The following ARHGAP21 variants were observed in gnomAD, a reference collection of about 807,000 sequenced individuals.
The protein encoded by ARHGAP21 is Rho GTPase activating protein 21, also known as rho GTPase-activating protein 21.
Under a neutral mutation model 164.6 loss-of-function variants are expected in ARHGAP21, and 38 were observed. The observed-to-expected ratio is 0.23, with a 90% CI of 0.18 to 0.30. The LOEUF (loss-of-function observed/expected upper bound fraction) is 0.30. ARHGAP21 is among the 10% of genes least tolerant of loss of function. ARHGAP21 has a pLI of 1.00. For synonymous variants in ARHGAP21, 766 were observed against 857.9 expected (o/e 0.89, Z 1.87); for missense variants, 1,822 against 2,370.7 (o/e 0.77, Z 4.81).
chr10:24,586,147 G>T lies in ARHGAP21; in HGVS notation c.4183-41C>A, dbSNP rs1451739406. On this transcript the variant is annotated intron_variant, in intron 25 of 25. Transcript: ENST00000396432. The stretch of plus-strand genomic sequence containing the variant: ...GAAGAAAGACTCTGAGCATAAGAAT[G>T]CAGCTGAGTTCATTTTCTGACAAGC... The T allele has an allele frequency of 3.3e-6, 5 of 1,515,618 alleles. No homozygotes were observed. In the Middle Eastern group the frequency reaches 7.1e-4, roughly 215 times the overall value. 93.9% of individuals were successfully genotyped at this position (1,515,618 alleles called of 1,614,324 possible). A position where few individuals can be genotyped will look rare whatever the true frequency, so the allele number is the denominator to read the frequency against.
At chr10:24,616,893 A>G (rs1833998702) in intron 9 of ARHGAP21, among the ~76,000 whole-genome samples, 1 of 152,220 alleles carries the variant, frequency 6.6e-6, no homozygotes, top group African/African-American at 2.4e-5. Flanking sequence ...ACAGTAAACA[A>G]AATACTGTTA....
At chr10:24,670,768 T>G (rs1184107557) in intron 2 of ARHGAP21, among the ~76,000 whole-genome samples, 1 of 152,192 alleles carries the variant, frequency 6.6e-6, no homozygotes, top group East Asian at 1.9e-4. Context: ...AGAACAGATA[T>G]AAAACTCTGA....
chr10:24,590,928 G>C, intron 24 of ARHGAP21: 9 of 907,370 alleles, frequency 9.9e-6, no homozygotes, highest in Non-Finnish European at 1.2e-5. Flanking sequence ...CTATTACATG[G>C]AAACTGTGAA....
rs142374987 is a variant in ARHGAP21, at chr10:24,633,290, C to T, written c.440+112G>A. 1,530 of 759,004 alleles carry T rather than the reference C, an allele frequency of 2.0e-3. 18 individuals carry two copies. In the African/African-American group the frequency reaches 0.024, roughly 12 times the overall value. 47.0% of individuals were successfully genotyped at this position (759,004 alleles called of 1,614,324 possible). On this transcript the variant is annotated intron_variant, in intron 6 of 25. Transcript: ENST00000396432. ...ATGCATTATATCTAAGGGAAAGTTC[C>T]ACATCTCCTTGTCACCACAATTCCT...
rs369151883 is a variant in ARHGAP21, at chr10:24,700,071, T to C, written c.63+21766A>G. On this transcript the variant is annotated intron_variant, in intron 2 of 25. Transcript: ENST00000396432. ...TGGTTCTCCAATACTGCTGGTGAAATACAGAAGCGGTCTGGCTGGATTTCT... is the reference window on the plus strand; with the variant it reads ...TGGTTCTCCAATACTGCTGGTGAAACACAGAAGCGGTCTGGCTGGATTTCT... Among the ~76,000 whole-genome samples the C allele has an allele frequency of 5.3e-5, 8 of 152,270 alleles. No individual in the cohort carries two copies. In the South Asian group the frequency reaches 1.2e-3, roughly 24 times the overall value.
chr10:24,627,366 C>T (rs1044135086), intron 7 of ARHGAP21, among the ~76,000 whole-genome samples: 4 of 152,066 alleles, frequency 2.6e-5, no homozygotes, highest in African/African-American at 9.7e-5. Flanking sequence ...TTCTGAAGTA[C>T]ATTAAAGAAC....
intron 4 of ARHGAP21, among the ~76,000 whole-genome samples, chr10:24,658,819 A>T (rs952167792): frequency 1.3e-5 from 2 of 151,794 alleles, no homozygotes; most frequent in Non-Finnish European, 2.9e-5. Context: ...CTAAAGTATT[A>T]AAAAAAAATA....
At chr10:24,678,107 A>C (rs896725829) in intron 2 of ARHGAP21, among the ~76,000 whole-genome samples, 16 of 149,276 alleles carry the variant, frequency 1.1e-4, no homozygotes, top group Non-Finnish European at 2.1e-4. Flanking sequence ...CACAAAAAGG[A>C]AAAAAAAAAG....
At chr10:24,600,068 G>C in intron 14 of ARHGAP21, among the ~76,000 whole-genome samples, 1 of 148,622 alleles carries the variant, frequency 6.7e-6, no homozygotes, top group Non-Finnish European at 1.5e-5. Context: ...GGGAGGCAGG[G>C]CTTGCAGTGA....
At position 24,600,880 on chromosome 10, in the gene ARHGAP21, C is replaced by T; in HGVS notation, c.2898G>A (p.Arg966=). 6.2e-7 allele frequency: 1 copy of T among 1,614,160 alleles called. No homozygotes were observed. Among genetic ancestry groups the T allele is most frequent in the Non-Finnish European group, 8.5e-7 (1 of 1,179,998 alleles). The part of the protein sequence containing the change: ...RPWKQMYVVL[R]GHSLYLYKDK... ...CTTTGTACAGGTAAAGTGAATGACC[C>T]CGAAGGACAACATACATCTGTTTCC... is the stretch of plus-strand genomic sequence containing the variant. Residue 966 remains arginine, a synonymous_variant, in exon 14 of 26, where the codon CGG becomes CGA. Transcript: ENST00000396432.
chr10:24,711,458 A>C (rs1292895151), intron 2 of ARHGAP21, among the ~76,000 whole-genome samples: 2 of 152,202 alleles, frequency 1.3e-5, no homozygotes, highest in African/African-American at 4.8e-5. Context: ...TTCAGTCCCC[A>C]CGTCAGAACA....
chr10:24,616,524 C>G (rs1358539527), intron 9 of ARHGAP21, among the ~76,000 whole-genome samples: 2 of 152,196 alleles, frequency 1.3e-5, no homozygotes, highest in Admixed American at 6.5e-5. Context: ...GCCAATAAGG[C>G]TGTGACCATC....
intron 5 of ARHGAP21, 22 bp from the exon 6 acceptor site, chr10:24,633,502 C>T (rs1214450596): frequency 1.3e-6 from 2 of 1,544,958 alleles, no homozygotes; most frequent in East Asian, 2.3e-5. Context: ...AGTTAAAAAA[C>T]AAATGAGAGA....
intron 2 of ARHGAP21, among the ~76,000 whole-genome samples, chr10:24,695,694 A>C (rs146497896): frequency 3.9e-5 from 6 of 152,292 alleles, no homozygotes; most frequent in Non-Finnish European, 8.8e-5. Context: ...TCTTCTTATG[A>C]AGCCAGCTGC....
intron 4 of ARHGAP21, among the ~76,000 whole-genome samples, chr10:24,654,575 C>A (rs912573266): frequency 1.3e-5 from 2 of 152,220 alleles, no homozygotes; most frequent in Non-Finnish European, 2.9e-5. Context: ...ATGTGAAGGA[C>A]CTCTTCAAGG....
chr10:24,653,060 ACAT>A (rs2131569882), intron 4 of ARHGAP21, among the ~76,000 whole-genome samples: 1 of 152,360 alleles, frequency 6.6e-6, no homozygotes, highest in African/African-American at 2.4e-5. Flanking sequence ...CTTTTTACAA[ACAT>A]CAGCTTTATT....
At chr10:24,636,508 T>C (rs1836399611) in intron 4 of ARHGAP21, among the ~76,000 whole-genome samples, 1 of 152,220 alleles carries the variant, frequency 6.6e-6, no homozygotes, top group Non-Finnish European at 1.5e-5. Context: ...ATACATGTGT[T>C]GAGTAACATG....
intron 9 of ARHGAP21, among the ~76,000 whole-genome samples, chr10:24,608,589 T>G (rs2077129979): frequency 6.6e-6 from 1 of 152,168 alleles, no homozygotes; most frequent in Non-Finnish European, 1.5e-5. Context: ...TAAACCAGGA[T>G]TTTGATGCCT....
chr10:24,701,800 T>C (rs1005256175), intron 2 of ARHGAP21, among the ~76,000 whole-genome samples: 9 of 152,188 alleles, frequency 5.9e-5, no homozygotes, highest in Non-Finnish European at 1.3e-4. Context: ...TTTAAAATGA[T>C]CATACTCGAT....
Sources: allele counts gnomAD v4.1 joint callset (sites outside exome capture counted in the v4.1 genomes callset), GRCh38; gene constraint gnomAD v4.1.1; transcripts MANE v1.5; gene names NCBI Gene and HGNC (gene_info 2026-07-23, HGNC 2026-07-21).